Variants in USH2A observed in about 807,000 individuals in gnomAD.
USH2A encodes Usher syndrome 2A (autosomal recessive, mild).
USH2A carries 443 observed loss-of-function variants against 538.9 expected under a neutral mutation model. The ratio of observed to expected loss-of-function variants is 0.82; its 90% confidence interval spans 0.76 to 0.89. The LOEUF (loss-of-function observed/expected upper bound fraction) is 0.89, where lower values mean the gene tolerates loss of function less well. USH2A is among the 40% of genes least tolerant of loss of function. The probability of loss-of-function intolerance (pLI) is 0.00; values close to 1 mark genes in which losing one functional copy is unlikely to be tolerated. For synonymous variants in USH2A, 2,413 were observed against 2,273.5 expected (o/e 1.06, Z -1.75); for missense variants, 6,633 against 6,324.8 (o/e 1.05, Z -1.65).
chr1:215,983,147 C>T (rs112313233), intron 35 of USH2A, among the ~76,000 whole-genome samples: 5,663 of 152,046 alleles, frequency 0.037, 285 homozygotes, highest in African/African-American at 0.12. Context: ...GACGGGGTTT[C>T]GCCATGTTGG....
rs1657982987 is a variant in USH2A at position 215,675,293 on chromosome 1, C to T, written c.12618G>A (p.Gln4206=). The T allele has an allele frequency of 6.2e-7, 1 of 1,613,996 alleles. No homozygotes were observed. Among genetic ancestry groups the T allele is most frequent in the Admixed American group, 1.7e-5 (1 of 59,996 alleles). Residue 4206 remains glutamine, a synonymous_variant, in exon 63 of 72, where the codon CAG becomes CAA. Coordinates refer to ENST00000307340, the MANE Select transcript of USH2A (RefSeq NM_206933.4). ...CTGTGAAAACAATTTTCTCGTCGGC[C>T]TGGATTGTCTGATTTCCCCAAGCTT... The part of the protein sequence containing the change: ...EGKAWGNQTI[Q]ADEKIVFTEY...
chr1:215,803,167 A>G (rs1345517034), intron 49 of USH2A, among the ~76,000 whole-genome samples: 1 of 152,068 alleles, frequency 6.6e-6, no homozygotes, highest in Admixed American at 6.6e-5. Context: ...CAAACCCACA[A>G]CCAATATCAT....
chr1:215,674,364 C>A lies in USH2A; in HGVS notation c.13547G>T (p.Gly4516Val). Residue 4516 changes from glycine (G) to valine (V), a missense_variant, in exon 63 of 72, where the codon GGG becomes GTG. Transcript: ENST00000307340. ...SYTVTASNSQ[G>V]GILSPLVKDR... is the part of the protein sequence containing the mutation. The stretch of plus-strand genomic sequence containing the variant: ...TTTGACAAGAGGACTCAAAATACCC[C>A]CTTGGCTGTTGCTGGCAGTTACTGT... 6.2e-7 allele frequency: 1 copy of A among 1,614,004 alleles called. No homozygotes were observed.
At chr1:215,904,508 C>T (rs968958512) in intron 38 of USH2A, among the ~76,000 whole-genome samples, 7 of 152,044 alleles carry the variant, frequency 4.6e-5, no homozygotes, top group Non-Finnish European at 1.0e-4. Flanking sequence ...CTGTTTAACC[C>T]CTTTTATCCT....
At chr1:215,675,741 T>C in intron 62 of USH2A, 125 bp from the exon 63 acceptor site, 18 of 1,543,504 alleles carry the variant, frequency 1.2e-5, no homozygotes, top group Non-Finnish European at 1.6e-5. Flanking sequence ...AGAAGAAGTA[T>C]TCTGATATTA....
At chr1:215,773,429 C>T (rs1661348010) in intron 55 of USH2A, among the ~76,000 whole-genome samples, 1 of 151,890 alleles carries the variant, frequency 6.6e-6, no homozygotes, top group African/African-American at 2.4e-5. Context: ...CTTCTCCAGC[C>T]TGCCTGTAAA....
intron 64 of USH2A, among the ~76,000 whole-genome samples, chr1:215,668,739 A>G (rs1055156596): frequency 6.6e-6 from 1 of 152,162 alleles, no homozygotes; most frequent in African/African-American, 2.4e-5. Flanking sequence ...TCCATAGAAA[A>G]CTGGGATGGG....
At chr1:215,829,552 G>C (rs928837272) in intron 47 of USH2A, among the ~76,000 whole-genome samples, 1 of 152,120 alleles carries the variant, frequency 6.6e-6, no homozygotes, top group African/African-American at 2.4e-5. Context: ...TTTTCTGGAA[G>C]GATTTCACAT....
rs1335621838 is a variant in USH2A, at chr1:216,113,661, TTGTC to T, written c.4628-16452_4628-16449del. ...TTTCCACATTAAGGGTATGGTTTCT[TTGTC>T]TGTCACTTGTTAAAGTCATTTACTT... On this transcript the variant is annotated intron_variant, in intron 21 of 71. Transcript: ENST00000307340. Among the ~76,000 whole-genome samples the T allele has an allele frequency of 1.6e-4, 24 of 152,204 alleles. No homozygotes were observed. In the South Asian group the frequency reaches 3.5e-3, roughly 22 times the overall value.
rs115770988 is a variant in USH2A, at chr1:215,779,089, A to G, written c.10939+754T>C. 6.6e-3 allele frequency among the ~76,000 whole-genome samples: 1,004 copies of G among 152,286 alleles called. 8 individuals carry two copies. The highest frequency in any genetic ancestry group is 0.023 in the African/African-American group (942 of 41,556). The stretch of plus-strand genomic sequence containing the variant: ...GGAGCCTACATTCAAGTGTGGAGAG[A>G]CATAAAAAGACAAAAAACAAACACT... On this transcript the variant is annotated intron_variant, in intron 55 of 71. Coordinates refer to ENST00000307340, the MANE Select transcript of USH2A (RefSeq NM_206933.4).
intron 30 of USH2A, among the ~76,000 whole-genome samples, chr1:216,056,101 G>A (rs1571922062): frequency 6.6e-6 from 1 of 152,144 alleles, no homozygotes; most frequent in East Asian, 1.9e-4. Context: ...GATTCTCTCA[G>A]CAGGTTTACC....
chr1:215,781,926 C>T (rs1661654215), intron 54 of USH2A, 116 bp downstream of exon 54: 2 of 1,414,018 alleles, frequency 1.4e-6, no homozygotes, highest in Admixed American at 1.7e-5. Context: ...CGCTACTTAA[C>T]ACCACTTTGA....
chr1:215,776,395 A>G (rs1661469864), intron 55 of USH2A, among the ~76,000 whole-genome samples: 1 of 152,144 alleles, frequency 6.6e-6, no homozygotes, highest in Non-Finnish European at 1.5e-5. Context: ...TAACATCTTG[A>G]GAGGATTATA....
At chr1:216,219,739 T>TA (rs1213998108) in intron 14 of USH2A, among the ~76,000 whole-genome samples, 2 of 152,170 alleles carry the variant, frequency 1.3e-5, no homozygotes, top group Non-Finnish European at 2.9e-5. Flanking sequence ...GCAATCTGTT[T>TA]AAAATCTTCA....
At chr1:215,735,457 G>T (rs577987613) in intron 60 of USH2A, among the ~76,000 whole-genome samples, 8 of 152,226 alleles carry the variant, frequency 5.3e-5, no homozygotes, top group African/African-American at 1.9e-4. Context: ...GAAAGTGATG[G>T]TGATATTCAC....
At chr1:215,638,343 G>C (rs530729404) in intron 69 of USH2A, among the ~76,000 whole-genome samples, 1 of 152,152 alleles carries the variant, frequency 6.6e-6, no homozygotes, top group Non-Finnish European at 1.5e-5. Flanking sequence ...ATTCTGGCCA[G>C]GTGCAGTGGC....
chr1:216,111,040 A>G (rs747724038), intron 21 of USH2A, among the ~76,000 whole-genome samples: 1 of 152,150 alleles, frequency 6.6e-6, no homozygotes, highest in Admixed American at 6.5e-5. Context: ...AGCCTAGCCA[A>G]CATGGTGAAA....
Position 216,264,924 on chromosome 1 carries a change from A to G in USH2A, c.1972-13826T>C, listed in dbSNP as rs139264931. Among the ~76,000 whole-genome samples the G allele has an allele frequency of 3.6e-3, 552 of 152,200 alleles. 4 individuals carry two copies. Among genetic ancestry groups the G allele is most frequent in the African/African-American group, 0.013 (523 of 41,542 alleles). On this transcript the variant is annotated intron_variant, in intron 11 of 71. Transcript: ENST00000307340. ...ATATACAAAAATCCACTCAAAATGG[A>G]CTAAACTCTTCAACGTAAGACCCAA... is the stretch of plus-strand genomic sequence containing the variant.
intron 55 of USH2A, among the ~76,000 whole-genome samples, chr1:215,779,381 T>C (rs1298985246): frequency 1.3e-5 from 2 of 152,198 alleles, no homozygotes; most frequent in African/African-American, 4.8e-5. Flanking sequence ...TAATTAACAT[T>C]CCTAATAGTA....
Sources: allele counts gnomAD v4.1 joint callset (sites outside exome capture counted in the v4.1 genomes callset), GRCh38; gene constraint gnomAD v4.1.1; transcripts MANE v1.5; gene names NCBI Gene and HGNC (gene_info 2026-07-23, HGNC 2026-07-21).